The following FBXL17 variants were observed in gnomAD, a reference collection of about 807,000 sequenced individuals.
FBXL17 encodes F-box and leucine rich repeat protein 17.
A neutral mutation model predicts 66.2 loss-of-function variants in FBXL17; 22 were observed. The ratio of observed to expected loss-of-function variants is 0.33; its 90% confidence interval spans 0.24 to 0.47. FBXL17 has a LOEUF of 0.47. FBXL17 is among the 20% of genes least tolerant of loss of function. The pLI, the probability that FBXL17 is intolerant of heterozygous loss-of-function variation, is 1.00. For missense variants in FBXL17, 878 were observed against 948.2 expected (o/e 0.93, Z 0.97); for synonymous variants, 474 against 400.5 (o/e 1.18, Z -2.19).
At chr5:108,338,913 G>T (rs1027454592) in intron 4 of FBXL17, among the ~76,000 whole-genome samples, 1 of 152,104 alleles carries the variant, frequency 6.6e-6, no homozygotes, top group African/African-American at 2.4e-5. Flanking sequence ...AATAGGAACA[G>T]TACTCAGCAC....
At chr5:107,911,012 T>C (rs1749933480) in intron 7 of FBXL17, among the ~76,000 whole-genome samples, 1 of 152,098 alleles carries the variant, frequency 6.6e-6, no homozygotes. Context: ...TGTAATCCCC[T>C]AAAAATACCA....
Position 108,113,958 on chromosome 5 carries a change from T to C in FBXL17, c.1745+72159A>G, listed in dbSNP as rs192481717. 3.2e-3 allele frequency among the ~76,000 whole-genome samples: 490 copies of C among 152,304 alleles called. 11 individuals carry two copies. The highest frequency in any genetic ancestry group is 6.2e-4 in the Non-Finnish European group (42 of 68,018). ...TTAAGAAATATCCATTTCAGTTTCTTCTATTTTTAGAACTTTTACACATAG... is the reference window on the plus strand; with the variant it reads ...TTAAGAAATATCCATTTCAGTTTCTCCTATTTTTAGAACTTTTACACATAG... On this transcript the variant is annotated intron_variant, in intron 6 of 8. Transcript: ENST00000542267.
intron 7 of FBXL17, among the ~76,000 whole-genome samples, chr5:107,972,987 T>C (rs1372365831): frequency 6.6e-6 from 1 of 152,228 alleles, no homozygotes; most frequent in Admixed American, 6.5e-5. Context: ...TCCCTGTTAG[T>C]CCTCATGCGC....
intron 5 of FBXL17, among the ~76,000 whole-genome samples, chr5:108,215,050 T>C (rs1262430177): frequency 1.3e-5 from 2 of 152,234 alleles, no homozygotes; most frequent in African/African-American, 4.8e-5. Flanking sequence ...CATCATTCTT[T>C]TTCATGGCTG....
rs1419380477 is a variant in FBXL17, at chr5:108,020,865, T to G, written c.1822+60A>C. 10 of 1,211,976 alleles carry G rather than the reference T, an allele frequency of 8.3e-6. No homozygotes were observed. In the East Asian group the frequency reaches 2.1e-4, roughly 25 times the overall value. 75.1% of individuals were successfully genotyped at this position (1,211,976 alleles called of 1,614,324 possible). ...AGTTCTTGATTTCTTTTTAAGAACT[T>G]TCAATGATTTTGTAACTTTTTATTC... On this transcript the variant is annotated intron_variant, in intron 7 of 8. Transcript: ENST00000542267.
At chr5:108,154,735 CA>C (rs1315367546) in intron 6 of FBXL17, among the ~76,000 whole-genome samples, 1 of 103,714 alleles carries the variant, frequency 9.6e-6, no homozygotes, top group Non-Finnish European at 2.0e-5. Context: ...AAAAAGAGGA[CA>C]AAAAATATTT....
chr5:107,974,693 G>A (rs2112657191), intron 7 of FBXL17, among the ~76,000 whole-genome samples: 1 of 151,882 alleles, frequency 6.6e-6, no homozygotes, highest in Middle Eastern at 3.4e-3. Context: ...TTAGTTTTAG[G>A]TCCAGTGTTT....
At chr5:107,947,227 G>C (rs1751341367) in intron 7 of FBXL17, among the ~76,000 whole-genome samples, 1 of 152,220 alleles carries the variant, frequency 6.6e-6, no homozygotes, top group Non-Finnish European at 1.5e-5. Context: ...ACGATTTCAA[G>C]GTCTCAGCTT....
intron 5 of FBXL17, among the ~76,000 whole-genome samples, chr5:108,188,548 C>A (rs17161110): frequency 0.01 from 1,584 of 152,256 alleles, 25 homozygotes; most frequent in African/African-American, 0.037. Flanking sequence ...ATTCAATAAC[C>A]ACAGGTTAAG....
intron 2 of FBXL17, among the ~76,000 whole-genome samples, chr5:108,366,416 T>C (rs570139725): frequency 1.3e-5 from 2 of 152,250 alleles, no homozygotes; most frequent in African/African-American, 4.8e-5. Context: ...TAAGCAGCAC[T>C]TGGAGTAACA....
At chr5:108,368,039 CT>C (rs1748784515) in intron 1 of FBXL17, 86 bp from the exon 2 acceptor site, 1 of 1,309,984 alleles carries the variant, frequency 7.6e-7, no homozygotes, top group Non-Finnish European at 1.0e-6. Context: ...AAAAAGTTAA[CT>C]TTGTAAAAAG....
At chr5:108,027,039 G>A (rs1754852324) in intron 6 of FBXL17, among the ~76,000 whole-genome samples, 1 of 152,016 alleles carries the variant, frequency 6.6e-6, no homozygotes, top group African/African-American at 2.4e-5. Flanking sequence ...TTTTCTCATT[G>A]GAGAACAGGA....
intron 6 of FBXL17, among the ~76,000 whole-genome samples, chr5:108,144,661 C>T (rs1751488850): frequency 6.6e-6 from 1 of 152,148 alleles, no homozygotes; most frequent in Admixed American, 6.5e-5. Context: ...TAAACTATTT[C>T]ATAAACATTC....
At chr5:107,932,513 A>G (rs2112577068) in intron 7 of FBXL17, among the ~76,000 whole-genome samples, 1 of 152,284 alleles carries the variant, frequency 6.6e-6, no homozygotes. Flanking sequence ...AGTTTGAAAT[A>G]AAGTGCTGAC....
intron 7 of FBXL17, among the ~76,000 whole-genome samples, chr5:107,971,982 C>T (rs536357823): frequency 1.4e-4 from 22 of 152,320 alleles, no homozygotes; most frequent in African/African-American, 5.3e-4. Context: ...TATACTCATT[C>T]ACTAGATTGT....
chr5:108,282,494 C>G (rs1179844680), intron 4 of FBXL17, among the ~76,000 whole-genome samples: 1 of 151,484 alleles, frequency 6.6e-6, no homozygotes. Flanking sequence ...CCTAACAAAA[C>G]AGACAGAGAA....
chr5:108,153,377 C>A (rs912194117), intron 6 of FBXL17, among the ~76,000 whole-genome samples: 1 of 152,144 alleles, frequency 6.6e-6, no homozygotes, highest in Admixed American at 6.5e-5. Context: ...AGTGAATTAA[C>A]CAACTAGCAG....
chr5:107,962,281 T>C (rs1205413840), intron 7 of FBXL17, among the ~76,000 whole-genome samples: 1 of 152,122 alleles, frequency 6.6e-6, no homozygotes, highest in Non-Finnish European at 1.5e-5. Flanking sequence ...TATAAAATGA[T>C]AGTTATAATT....
chr5:108,366,970 A>G (rs371489053), intron 2 of FBXL17, among the ~76,000 whole-genome samples: 1 of 152,096 alleles, frequency 6.6e-6, no homozygotes, highest in African/African-American at 2.4e-5. Flanking sequence ...TCTGCATTCA[A>G]TGGCATAACG....
Sources: allele counts gnomAD v4.1 joint callset (sites outside exome capture counted in the v4.1 genomes callset), GRCh38; gene constraint gnomAD v4.1.1; transcripts MANE v1.5; gene names NCBI Gene and HGNC (gene_info 2026-07-23, HGNC 2026-07-21).